B4GALT1: variants seen among roughly 807,000 people sequenced by gnomAD.
B4GALT1 encodes the protein beta-1,4-galactosyltransferase 1.
B4GALT1 carries 16 observed loss-of-function variants against 34.9 expected under a neutral mutation model. That is an observed-to-expected ratio of 0.46 (90% CI 0.31 to 0.70). B4GALT1 has a LOEUF of 0.70. Among genes scored for constraint, B4GALT1 ranks in the 30% least tolerant of loss-of-function variants. B4GALT1 has a pLI of 0.05. For missense variants in B4GALT1, 445 were observed against 530.5 expected (o/e 0.84, Z 1.58); for synonymous variants, 221 against 218.1 (o/e 1.01, Z -0.12).
At chr9:33,127,580 T>C (rs1440836106) in intron 2 of B4GALT1, among the ~76,000 whole-genome samples, 1 of 152,154 alleles carries the variant, frequency 6.6e-6, no homozygotes, top group African/African-American at 2.4e-5. Context: ...AGAATAAACT[T>C]CAGACTCCAA....
At chr9:33,126,937 GTTTT>G (rs915927723) in intron 2 of B4GALT1, among the ~76,000 whole-genome samples, 13 of 151,280 alleles carry the variant, frequency 8.6e-5, no homozygotes, top group African/African-American at 3.2e-4. Context: ...AGAAGAGACA[GTTTT>G]TGTTTGTTTG....
chr9:33,128,658 C>G (rs910397978), intron 2 of B4GALT1, among the ~76,000 whole-genome samples: 2 of 152,198 alleles, frequency 1.3e-5, no homozygotes, highest in African/African-American at 4.8e-5. Context: ...AGCCCTACCC[C>G]ACTCCTCCCA....
rs763976669 is a variant in B4GALT1 at position 33,113,874 on chromosome 9, C to T, written c.964G>A (p.Val322Ile). ...CGAGATATAGACATGCCTCTAAAAA[C>T]TAATCTGCAAAGAGTAAAGGGAAAG... is the stretch of plus-strand genomic sequence containing the variant. ...GEDDDIFNRL[V>I]FRGMSISRPN... Residue 322 changes from valine to isoleucine, a missense_variant, in exon 5 of 6, where the codon GTT becomes ATT. Coordinates refer to ENST00000379731, the MANE Select transcript of B4GALT1 (RefSeq NM_001497.4). 6.2e-7 allele frequency: 1 copy of T among 1,614,148 alleles called. No individual in the cohort carries two copies. Among genetic ancestry groups the T allele is most frequent in the Admixed American group, 1.7e-5 (1 of 60,020 alleles).
At chr9:33,179,444 G>C in the B4GALT1 span, 31 of 152,210 alleles carry the variant, frequency 2.0e-4, no homozygotes, top group African/African-American at 6.5e-4. Flanking sequence ...TACACTCTCT[G>C]AGAGTTCTCT....
At chr9:33,169,493 G>T (rs1272561927), upstream of B4GALT1, among the ~76,000 whole-genome samples, 1 of 150,810 alleles carries the variant, frequency 6.6e-6, no homozygotes, top group East Asian at 2.0e-4. Context: ...ATGGCCTCCT[G>T]CCCAAATCTG....
intron 2 of B4GALT1, among the ~76,000 whole-genome samples, chr9:33,128,811 G>T (rs547675086): frequency 6.6e-6 from 1 of 152,190 alleles, no homozygotes; most frequent in African/African-American, 2.4e-5. Flanking sequence ...TCACTAATGG[G>T]ATAGACCCAG....
At chr9:33,135,567 T>G (rs946351930) in intron 1 of B4GALT1, 143 bp from the exon 2 acceptor site, 5 of 786,700 alleles carry the variant, frequency 6.4e-6, no homozygotes, top group Non-Finnish European at 1.1e-5. Flanking sequence ...GAGAGGGCCC[T>G]CCTGCCCAGC....
intron 1 of B4GALT1, among the ~76,000 whole-genome samples, chr9:33,163,046 G>A (rs956563292): frequency 1.3e-5 from 2 of 152,110 alleles, no homozygotes; most frequent in African/African-American, 4.8e-5. Flanking sequence ...CCAGGATGAA[G>A]CTCCACCCCA....
the B4GALT1 span, among the ~76,000 whole-genome samples, chr9:33,176,206 C>T: frequency 6.6e-6 from 1 of 152,158 alleles, no homozygotes; most frequent in Admixed American, 6.5e-5. Context: ...GTTCACAGTC[C>T]GGTAACTTGT....
intron 1 of B4GALT1, among the ~76,000 whole-genome samples, chr9:33,153,524 AGAGGG>A (rs1213216550): frequency 6.6e-6 from 1 of 152,200 alleles, no homozygotes; most frequent in East Asian, 1.9e-4. Context: ...CAGTAATGAA[AGAGGG>A]ACTATCCCTA....
intron 4 of B4GALT1, 21 bp downstream of exon 4, chr9:33,115,970 T>A: frequency 1.9e-6 from 3 of 1,606,386 alleles, no homozygotes. Flanking sequence ...AGGAGAAAGA[T>A]ATCTAAGTTA....
In B4GALT1 at chr9:33,161,199, G is replaced by A. The variant is rs56153440; in HGVS notation, c.412+5559C>T. 2.6e-5 allele frequency among the ~76,000 whole-genome samples: 4 copies of A among 152,286 alleles called. No individual in the cohort carries two copies. In the South Asian group the frequency reaches 8.3e-4, roughly 32 times the overall value. ...AGCCCCTGGCCTTCATTTGTGCAGG[G>A]AAGGGGCGGGCTGAGGCCAAGCCGC... On this transcript the variant is annotated intron_variant, in intron 1 of 5. Transcript: ENST00000379731.
intron 3 of B4GALT1, among the ~76,000 whole-genome samples, chr9:33,119,132 G>A (rs940863354): frequency 6.6e-6 from 1 of 152,040 alleles, no homozygotes; most frequent in Non-Finnish European, 1.5e-5. Context: ...AAAGTGCTGC[G>A]ATTACAGGCA....
chr9:33,167,863 GAA>G (rs1840795301), upstream of B4GALT1, among the ~76,000 whole-genome samples: 2 of 152,218 alleles, frequency 1.3e-5, no homozygotes, highest in Admixed American at 6.5e-5. Context: ...TGGCACGTTC[GAA>G]ACCCCCTCCC....
At chr9:33,148,850 A>G (rs1421378614) in intron 1 of B4GALT1, among the ~76,000 whole-genome samples, 1 of 152,000 alleles carries the variant, frequency 6.6e-6, no homozygotes, top group Non-Finnish European at 1.5e-5. Context: ...ATATGTCAAA[A>G]GAAAACAGGA....
downstream of B4GALT1, chr9:33,108,710 A>C (rs1459378592): frequency 6.6e-6 from 1 of 152,106 alleles, no homozygotes; most frequent in Non-Finnish European, 1.5e-5. Context: ...GAAGTGGAGC[A>C]CATCAGTGAA....
chr9:33,171,048 G>A (rs1380529391), upstream of B4GALT1, among the ~76,000 whole-genome samples: 1 of 152,164 alleles, frequency 6.6e-6, no homozygotes, highest in Non-Finnish European at 1.5e-5. Context: ...CACCTGCCAG[G>A]TTACATTTCT....
At chr9:33,105,185 G>C (rs1839786806) in intron 2 of B4GALT1, among the ~76,000 whole-genome samples, 1 of 151,588 alleles carries the variant, frequency 6.6e-6, no homozygotes, top group African/African-American at 2.4e-5. Context: ...TGTTGCCCAG[G>C]CTGGAATGCA....
At chr9:33,115,723 C>T (rs991760484) in intron 4 of B4GALT1, among the ~76,000 whole-genome samples, 1 of 152,220 alleles carries the variant, frequency 6.6e-6, no homozygotes, top group Non-Finnish European at 1.5e-5. Flanking sequence ...GAGTACAAAA[C>T]GGCATGCAGC....
Sources: allele counts gnomAD v4.1 joint callset (sites outside exome capture counted in the v4.1 genomes callset), GRCh38; gene constraint gnomAD v4.1.1; transcripts MANE v1.5; gene names NCBI Gene and HGNC (gene_info 2026-07-23, HGNC 2026-07-21).